The following CKAP5 variants were observed in gnomAD, a reference collection of about 807,000 sequenced individuals.
CKAP5 encodes the protein cytoskeleton associated protein 5, also known as cytoskeleton-associated protein 5.
Under a neutral mutation model 232.8 loss-of-function variants are expected in CKAP5, and 27 were observed. That is an observed-to-expected ratio of 0.12 (90% CI 0.09 to 0.16). The LOEUF (loss-of-function observed/expected upper bound fraction) is 0.16, where lower values mean the gene tolerates loss of function less well. CKAP5 is among the 10% of genes least tolerant of loss of function. The pLI is 1.00. For missense variants in CKAP5, 1,838 were observed against 2,424.7 expected (o/e 0.76, Z 5.08); for synonymous variants, 785 against 841.1 (o/e 0.93, Z 1.16).
In CKAP5 at chr11:46,747,114, GAC is replaced by G. The variant is rs537547212; in HGVS notation, c.5705-2539_5705-2538del. ...ATCGTCACTGCATTCCAGCCTGGAT[GAC>G]AGAGTGAGACCCTGTCTCAAAATAA... On this transcript the variant is annotated intron_variant, in intron 42 of 43. Coordinates refer to ENST00000529230, the MANE Select transcript of CKAP5 (RefSeq NM_001008938.4). Among the ~76,000 whole-genome samples the G allele has an allele frequency of 3.9e-3, 601 of 152,244 alleles. 3 individuals are homozygous for G. Among genetic ancestry groups the G allele is most frequent in the African/African-American group, 0.014 (567 of 41,542 alleles).
intron 35 of CKAP5, among the ~76,000 whole-genome samples, chr11:46,757,628 C>T (rs1473100925): frequency 6.6e-6 from 1 of 152,060 alleles, no homozygotes; most frequent in Non-Finnish European, 1.5e-5. Flanking sequence ...CGCTCTGTCA[C>T]CCAGGCTGGG....
intron 18 of CKAP5, among the ~76,000 whole-genome samples, chr11:46,782,366 C>T (rs1207505367): frequency 6.6e-6 from 1 of 152,080 alleles, no homozygotes; most frequent in Non-Finnish European, 1.5e-5. Flanking sequence ...TTATAAGTGA[C>T]ATGCCAAGAG....
At position 46,790,204 on chromosome 11, in the gene CKAP5, A is replaced by G. The variant is rs766396988; in HGVS notation, c.1765-18T>C. On this transcript the variant is annotated intron_variant, in intron 14 of 43. Coordinates refer to ENST00000529230, the MANE Select transcript of CKAP5 (RefSeq NM_001008938.4). ...ACTTCTATCTGTAAGATACAAAAAC[A>G]TATTAGAATTAGGAATTGCTTAAGG... The G allele has an allele frequency of 1.3e-6, 2 of 1,525,832 alleles. No individual in the cohort carries two copies. Among genetic ancestry groups the G allele is most frequent in the South Asian group, 1.1e-5 (1 of 87,860 alleles). 94.5% of individuals were successfully genotyped at this position (1,525,832 alleles called of 1,614,324 possible).
chr11:46,793,369 G>T (rs979001760), intron 13 of CKAP5, among the ~76,000 whole-genome samples: 1 of 152,176 alleles, frequency 6.6e-6, no homozygotes, highest in African/African-American at 2.4e-5. Context: ...TAAACTTTTT[G>T]CATCTGCAGC....
intron 38 of CKAP5, among the ~76,000 whole-genome samples, chr11:46,752,203 C>T (rs866175358): frequency 1.6e-3 from 144 of 91,370 alleles, no homozygotes; most frequent in African/African-American, 3.9e-3. Flanking sequence ...TACACACACA[C>T]ACACACACAC....
intron 1 of CKAP5, among the ~76,000 whole-genome samples, chr11:46,838,964 ATTT>A (rs1345232527): frequency 3.9e-5 from 6 of 152,196 alleles, no homozygotes; most frequent in Non-Finnish European, 5.9e-5. Flanking sequence ...GTTTTGGCCA[ATTT>A]TGTTCAACAA....
At chr11:46,761,895 A>G (rs1309683276) in intron 32 of CKAP5, 105 bp downstream of exon 32, 3 of 845,966 alleles carry the variant, frequency 3.5e-6, no homozygotes, top group Non-Finnish European at 5.6e-6. Context: ...TTGACTAAAA[A>G]GTAGTAAAAA....
chr11:46,794,492 A>G (rs761666561), intron 13 of CKAP5, among the ~76,000 whole-genome samples: 5 of 111,772 alleles, frequency 4.5e-5, no homozygotes, highest in South Asian at 7.3e-4. Context: ...ACTTGAGTAG[A>G]TATTTTTTTC....
rs1258827294 is a variant in CKAP5 at position 46,743,979 on chromosome 11, T to A, written c.*44A>T. The A allele has an allele frequency of 6.2e-7, 1 of 1,611,002 alleles. No homozygotes were observed. Among genetic ancestry groups the A allele is most frequent in the Admixed American group, 1.7e-5 (1 of 59,830 alleles). On this transcript the variant is annotated 3_prime_UTR_variant, in exon 44 of 44. Coordinates refer to ENST00000529230, the MANE Select transcript of CKAP5 (RefSeq NM_001008938.4). ...CATTTTAAACTATGAGGACTTCTAGTTTAGTAAACTAAAGCTGCAGGGTGC... is the reference window on the plus strand; with the variant it reads ...CATTTTAAACTATGAGGACTTCTAGATTAGTAAACTAAAGCTGCAGGGTGC...
intron 7 of CKAP5, 21 bp downstream of exon 7, chr11:46,809,379 A>T (rs761104139): frequency 7.1e-7 from 1 of 1,411,166 alleles, no homozygotes; most frequent in Non-Finnish European, 1.0e-6. Context: ...AATAAATGAA[A>T]GAAGTTTAAC....
In CKAP5 at chr11:46,808,013, G is replaced by A; in HGVS notation, c.978+18C>T. 1.9e-6 allele frequency: 3 copies of A among 1,567,198 alleles called. No homozygotes were observed. Among genetic ancestry groups the A allele is most frequent in the African/African-American group, 2.7e-5 (2 of 73,964 alleles). On this transcript the variant is annotated intron_variant, in intron 8 of 43. Transcript: ENST00000529230. ...TGATGGCTGTTACAATACCAGTACT[G>A]CAAGTCCTCATATTTACCTTCTTTA... is the stretch of plus-strand genomic sequence containing the variant.
intron 24 of CKAP5, among the ~76,000 whole-genome samples, chr11:46,775,879 G>A (rs760995877): frequency 6.6e-6 from 1 of 151,984 alleles, no homozygotes; most frequent in Non-Finnish European, 1.5e-5. Flanking sequence ...TGAAGATGAC[G>A]GGTTGATGGA....
intron 24 of CKAP5, among the ~76,000 whole-genome samples, chr11:46,775,182 T>G (rs564032685): frequency 5.9e-5 from 9 of 152,270 alleles, no homozygotes; most frequent in Non-Finnish European, 1.2e-4. Flanking sequence ...GTGAAGGATA[T>G]GAACAGAAAC....
intron 13 of CKAP5, 36 bp from the exon 14 acceptor site, chr11:46,790,619 T>G: frequency 7.1e-7 from 1 of 1,402,834 alleles, no homozygotes; most frequent in South Asian, 1.2e-5. Flanking sequence ...TTAAACCACC[T>G]AAGGATTTAA....
chr11:46,797,988 G>A lies in CKAP5; in HGVS notation c.1174-19C>T, dbSNP rs761473128. 8 of 1,608,256 alleles carry A rather than the reference G, an allele frequency of 5.0e-6. No individual in the cohort carries two copies. The highest frequency in any genetic ancestry group is 6.8e-6 in the Non-Finnish European group (8 of 1,178,046). ...GTGTGGTCTTTAGAAAGAAAATGTG[G>A]TTAATGAGCTTTTTTCAATTGTAAA... On this transcript the variant is annotated intron_variant, in intron 10 of 43. Coordinates refer to ENST00000529230, the MANE Select transcript of CKAP5 (RefSeq NM_001008938.4).
At chr11:46,788,570 G>A (rs375663811) in intron 16 of CKAP5, 111 bp downstream of exon 16, 3 of 659,276 alleles carry the variant, frequency 4.6e-6, no homozygotes, top group African/African-American at 3.9e-5. Flanking sequence ...GCGAAACTCC[G>A]TCTCAAAAAA....
chr11:46,804,928 G>A (rs547601834), intron 8 of CKAP5, among the ~76,000 whole-genome samples: 1 of 151,768 alleles, frequency 6.6e-6, no homozygotes, highest in East Asian at 1.9e-4. Flanking sequence ...CTGGGAGGGA[G>A]GCATCTTATA....
At chr11:46,799,942 A>G (rs1425004087) in intron 9 of CKAP5, among the ~76,000 whole-genome samples, 1 of 152,120 alleles carries the variant, frequency 6.6e-6, no homozygotes, top group Non-Finnish European at 1.5e-5. Context: ...TTAAGGCTGC[A>G]GTGAACTGAG....
rs140470773 is a variant in CKAP5 at position 46,811,031 on chromosome 11, T to C, written c.606A>G (p.Pro202=). The C allele has an allele frequency of 3.3e-5, 53 of 1,612,980 alleles. No homozygotes were observed. The African/African-American group carries it at 6.3e-4, about 19-fold the overall frequency. The change falls in exon 5 of 44, where the codon CCA becomes CCG. Residue 202 remains proline, a synonymous_variant. Coordinates refer to ENST00000529230, the MANE Select transcript of CKAP5 (RefSeq NM_001008938.4). The part of the protein sequence containing the change: ...YRWIRDALRP[P]LQNINSVQLK... ...CCTGAACAGAGTTTATATTTTGTAATGGGGGTCTCAGAGCATCCCGAATCC... is the reference window on the plus strand; with the variant it reads ...CCTGAACAGAGTTTATATTTTGTAACGGGGGTCTCAGAGCATCCCGAATCC...
Sources: gnomAD v4.1 joint callset for allele counts (sites outside exome capture counted in the v4.1 genomes callset) on GRCh38, gnomAD v4.1.1 for gene constraint, MANE v1.5 for transcripts, NCBI Gene and HGNC (gene_info 2026-07-23, HGNC 2026-07-21) for gene names.